Variants in RUNDC3B observed in about 807,000 individuals in gnomAD.
The protein encoded by RUNDC3B is RUN domain-containing protein 3B.
In RUNDC3B, 33 loss-of-function variants were observed where a neutral mutation model predicts 58.4. That is an observed-to-expected ratio of 0.56 (90% CI 0.43 to 0.75). The LOEUF (loss-of-function observed/expected upper bound fraction) is 0.75. RUNDC3B is among the 30% of genes least tolerant of loss of function. The pLI, the probability that RUNDC3B is intolerant of heterozygous loss-of-function variation, is 0.00. For synonymous variants in RUNDC3B, 193 were observed against 195.2 expected, an observed-to-expected ratio of 0.99 and a Z score of 0.10; for missense variants, 501 against 535.7, an observed-to-expected ratio of 0.94 and a Z score of 0.64.
intron 1 of RUNDC3B, among the ~76,000 whole-genome samples, chr7:87,647,295 CT>C (rs200339290): frequency 0.013 from 2,036 of 152,208 alleles, 43 homozygotes; most frequent in African/African-American, 0.046. Context: ...TTTCCATTCT[CT>C]TTTGTTGTTG....
At chr7:87,706,822 A>G (rs1447482065) in intron 3 of RUNDC3B, among the ~76,000 whole-genome samples, 4 of 152,154 alleles carry the variant, frequency 2.6e-5, no homozygotes, top group Admixed American at 2.6e-4. Context: ...GTTGTTGCCA[A>G]CTCTAAGTCA....
chr7:87,827,825 A>T (rs1837904185), intron 10 of RUNDC3B, among the ~76,000 whole-genome samples: 1 of 152,122 alleles, frequency 6.6e-6, no homozygotes, highest in African/African-American at 2.4e-5. Flanking sequence ...ACTTCTTCTT[A>T]AGTACAGATA....
chr7:87,659,599 CAAGAG>C (rs1004864278), intron 2 of RUNDC3B, among the ~76,000 whole-genome samples: 1 of 152,072 alleles, frequency 6.6e-6, no homozygotes, highest in African/African-American at 2.4e-5. Context: ...TTAGAACACT[CAAGAG>C]GAGAAGGATA....
At chr7:87,772,150 G>T (rs1039160524) in intron 7 of RUNDC3B, among the ~76,000 whole-genome samples, 7 of 152,132 alleles carry the variant, frequency 4.6e-5, no homozygotes, top group African/African-American at 1.7e-4. Flanking sequence ...TAATTAGAAA[G>T]TGATGAATTT....
intron 7 of RUNDC3B, among the ~76,000 whole-genome samples, chr7:87,775,078 A>T (rs1223013765): frequency 6.6e-6 from 1 of 152,214 alleles, no homozygotes; most frequent in Non-Finnish European, 1.5e-5. Flanking sequence ...AAAAACAAAA[A>T]AGTTAAATGT....
intron 2 of RUNDC3B, among the ~76,000 whole-genome samples, chr7:87,675,833 T>C (rs1026678447): frequency 6.6e-6 from 1 of 152,036 alleles, no homozygotes; most frequent in African/African-American, 2.4e-5. Flanking sequence ...GAAAAGCTAA[T>C]TGACATTGTT....
At chr7:87,807,050 T>C (rs1045913293) in intron 8 of RUNDC3B, among the ~76,000 whole-genome samples, 5 of 152,154 alleles carry the variant, frequency 3.3e-5, no homozygotes, top group African/African-American at 1.2e-4. Context: ...TGATAACCTG[T>C]ATCTTTAAGA....
intron 2 of RUNDC3B, among the ~76,000 whole-genome samples, chr7:87,658,933 C>T (rs746318274): frequency 3.3e-5 from 5 of 152,184 alleles, no homozygotes; most frequent in Admixed American, 2.0e-4. Context: ...AAGCGGATCA[C>T]TTGAGCTCAG....
chr7:87,719,012 G>T (rs1221459297), intron 4 of RUNDC3B, among the ~76,000 whole-genome samples: 2 of 151,946 alleles, frequency 1.3e-5, no homozygotes, highest in Non-Finnish European at 2.9e-5. Flanking sequence ...CAACAGTACA[G>T]TAAACATTAA....
In RUNDC3B at chr7:87,679,533, G is replaced by A. The variant is rs1174908919; in HGVS notation, c.239-20888G>A. ...GGTTCCTGAGTAGCTGGGACTACAG[G>A]CACACACCACTACACCCAGCTAATT... On this transcript the variant is annotated intron_variant, in intron 2 of 10. Coordinates refer to ENST00000394654, the MANE Select transcript of RUNDC3B (RefSeq NM_001134405.2). Among the ~76,000 whole-genome samples the A allele has an allele frequency of 5.3e-5, 8 of 149,890 alleles. No individual in the cohort carries two copies. The Admixed American group carries it at 5.3e-4, about 10-fold the overall frequency.
intron 2 of RUNDC3B, among the ~76,000 whole-genome samples, chr7:87,696,444 C>T (rs570982016): frequency 1.3e-5 from 2 of 152,148 alleles, no homozygotes; most frequent in Admixed American, 6.6e-5. Flanking sequence ...CAAATAATAT[C>T]GCAGATAACT....
At chr7:87,662,272 C>T (rs112421854) in intron 2 of RUNDC3B, among the ~76,000 whole-genome samples, 6,686 of 152,042 alleles carry the variant, frequency 0.044, 201 homozygotes, top group Middle Eastern at 0.075. Context: ...CTCACTTGTC[C>T]GTTTTTGCTT....
intron 4 of RUNDC3B, among the ~76,000 whole-genome samples, chr7:87,734,632 C>T (rs940130212): frequency 6.6e-6 from 1 of 152,196 alleles, no homozygotes; most frequent in Non-Finnish European, 1.5e-5. Flanking sequence ...CTCCAAAGCA[C>T]TTCTTCACAC....
intron 6 of RUNDC3B, among the ~76,000 whole-genome samples, chr7:87,769,096 G>A (rs1834128506): frequency 6.6e-6 from 1 of 151,850 alleles, no homozygotes; most frequent in Non-Finnish European, 1.5e-5. Context: ...TACCTCCTGG[G>A]TTCAAATGAT....
intron 9 of RUNDC3B, among the ~76,000 whole-genome samples, chr7:87,813,191 T>C (rs1467459078): frequency 6.6e-6 from 1 of 152,228 alleles, no homozygotes; most frequent in Non-Finnish European, 1.5e-5. Flanking sequence ...AGCAAAGTTA[T>C]AAACTCAGTA....
At chr7:87,684,692 G>C (rs985107743) in intron 2 of RUNDC3B, among the ~76,000 whole-genome samples, 1 of 135,692 alleles carries the variant, frequency 7.4e-6, no homozygotes, top group African/African-American at 2.7e-5. Flanking sequence ...AGATTGCAGT[G>C]AGTCGAGATC....
At chr7:87,700,688 A>T in intron 3 of RUNDC3B, 134 bp downstream of exon 3, 1 of 752,666 alleles carries the variant, frequency 1.3e-6, no homozygotes, top group Non-Finnish European at 2.1e-6. Flanking sequence ...CTGTTCTGTG[A>T]TGTTTCTACA....
intron 6 of RUNDC3B, among the ~76,000 whole-genome samples, chr7:87,744,104 C>T (rs996196345): frequency 6.6e-6 from 1 of 152,014 alleles, no homozygotes; most frequent in Non-Finnish European, 1.5e-5. Flanking sequence ...TTTGCTTTGT[C>T]GTAGATCAGT....
At position 87,721,440 on chromosome 7, in the gene RUNDC3B, A is replaced by T. The variant is rs193112915; in HGVS notation, c.458+10785A>T. Among the ~76,000 whole-genome samples, 4 of 152,230 alleles carry T rather than the reference A, an allele frequency of 2.6e-5. No homozygotes were observed. The East Asian group carries it at 7.7e-4, about 29-fold the overall frequency. On this transcript the variant is annotated intron_variant, in intron 4 of 10. Transcript: ENST00000394654. ...TGAGAGAGTGTGAGAGAACAAAAAT[A>T]ATCAATAATTATGGCAAAGGTACCA... is the stretch of plus-strand genomic sequence containing the variant.
Sources: gnomAD v4.1 joint callset for allele counts (sites outside exome capture counted in the v4.1 genomes callset) on GRCh38, gnomAD v4.1.1 for gene constraint, MANE v1.5 for transcripts, NCBI Gene and HGNC (gene_info 2026-07-23, HGNC 2026-07-21) for gene names.